ATP6V1H: variants seen among roughly 807,000 people sequenced by gnomAD.
The protein encoded by ATP6V1H is ATPase H+ transporting V1 subunit H, also known as V-type proton ATPase subunit H.
In ATP6V1H, 39 loss-of-function variants were observed where a neutral mutation model predicts 71.7. The ratio of observed to expected loss-of-function variants is 0.54; its 90% CI spans 0.42 to 0.71. The LOEUF (loss-of-function observed/expected upper bound fraction) is 0.71. Ranked by LOEUF, ATP6V1H falls within the 30% of genes least tolerant of loss-of-function variation. The pLI is 0.00. For synonymous variants in ATP6V1H, 192 were observed against 199.3 expected, an observed-to-expected ratio of 0.96 and a Z score of 0.31; for missense variants, 509 against 594.9, an observed-to-expected ratio of 0.86 and a Z score of 1.50.
chr8:53,782,176 T>C (rs1239434100), intron 9 of ATP6V1H, among the ~76,000 whole-genome samples: 1 of 152,172 alleles, frequency 6.6e-6, no homozygotes, highest in East Asian at 1.9e-4. Flanking sequence ...CCCATGAGCA[T>C]GGAATGTTCT....
Position 53,795,672 on chromosome 8 carries a change from G to A in ATP6V1H, c.845C>T (p.Thr282Ile). ...ILQESVKEKVTRIILAAFRNF... is the reference protein window; with the variant it reads ...ILQESVKEKVIRIILAAFRNF... ...ACGAAATGCTGCAAGAATGATTCTT[G>A]TTACTTTCTCTTTGACAGACTCCTG... Residue 282 changes from threonine (T) to isoleucine (I), a missense_variant, in exon 9 of 14, where the codon ACA becomes ATA. Thr to Ile is a moderately conservative substitution (Grantham distance 89). Around this residue, in one of 2 missense-constraint regions of ATP6V1H, gnomAD observed 212 missense variants for 291.6 expected, o/e 0.73. Transcript: ENST00000359530. 2 of 1,612,586 alleles carry A rather than the reference G, an allele frequency of 1.2e-6. No homozygotes were observed. The highest frequency in any genetic ancestry group is 2.2e-5 in the South Asian group (2 of 90,680).
In ATP6V1H at chr8:53,769,630, T is replaced by C; in HGVS notation, c.1163A>G (p.Tyr388Cys). ...ACAAAAAACTTACTTCAAGAGTTCA[T>C]AATTCTTCTCATTTAACCTCACAGC... ...ENAVRLNEKN[Y>C]ELLKILTKLL... The change falls in exon 11 of 14, where the codon TAT becomes TGT. Residue 388 changes from tyrosine to cysteine, a missense_variant. Around this residue, in one of 2 missense-constraint regions of ATP6V1H, gnomAD observed 212 missense variants for 291.6 expected, o/e 0.73. Transcript: ENST00000359530. The C allele has an allele frequency of 6.2e-7, 1 of 1,612,772 alleles. No homozygotes were observed. Among genetic ancestry groups the C allele is most frequent in the Non-Finnish European group, 8.5e-7 (1 of 1,179,294 alleles).
intron 12 of ATP6V1H, among the ~76,000 whole-genome samples, chr8:53,745,488 G>A (rs1326976109): frequency 1.3e-5 from 2 of 152,118 alleles, no homozygotes; most frequent in African/African-American, 4.8e-5. Context: ...GAGCCCCACT[G>A]AGCTTCACAG....
chr8:53,771,711 C>T lies in ATP6V1H; in HGVS notation c.1049+278G>A, dbSNP rs189981911. On this transcript the variant is annotated intron_variant, in intron 10 of 13. Transcript: ENST00000359530. ...CTTAAAAAGACTCTAAGAGAAGACT[C>T]GAGGAGCTCCAGGGTGGAGTCATCC... Among the ~76,000 whole-genome samples the T allele has an allele frequency of 3.2e-3, 491 of 152,256 alleles. 1 individual carries two copies. Among genetic ancestry groups the T allele is most frequent in the African/African-American group, 0.011 (438 of 41,528 alleles).
intron 12 of ATP6V1H, among the ~76,000 whole-genome samples, chr8:53,746,784 A>G (rs1807617239): frequency 6.6e-6 from 1 of 152,212 alleles, no homozygotes; most frequent in Admixed American, 6.5e-5. Flanking sequence ...AAAAAAGGTG[A>G]GAAAAGAATC....
At chr8:53,762,158 T>C (rs545702971) in intron 11 of ATP6V1H, among the ~76,000 whole-genome samples, 2 of 152,200 alleles carry the variant, frequency 1.3e-5, no homozygotes, top group Non-Finnish European at 2.9e-5. Flanking sequence ...TGACAAACTA[T>C]TGTATTGAGC....
chr8:53,779,089 A>G (rs768121255), intron 9 of ATP6V1H, among the ~76,000 whole-genome samples: 1 of 152,222 alleles, frequency 6.6e-6, no homozygotes, highest in Non-Finnish European at 1.5e-5. Context: ...AGACAAATCC[A>G]CAATAATAGC....
intron 13 of ATP6V1H, among the ~76,000 whole-genome samples, chr8:53,729,196 G>GT (rs113477767): frequency 0.059 from 8,889 of 151,006 alleles, 735 homozygotes; most frequent in African/African-American, 0.19. Context: ...AGTTTTTGTT[G>GT]TTTTTTTTTA....
chr8:53,727,848 C>T (rs970050353), intron 13 of ATP6V1H, among the ~76,000 whole-genome samples: 1 of 152,202 alleles, frequency 6.6e-6, no homozygotes, highest in African/African-American at 2.4e-5. Context: ...ATCTACATTC[C>T]TGTGTGAGTC....
intron 9 of ATP6V1H, among the ~76,000 whole-genome samples, chr8:53,776,055 C>T (rs1020714414): frequency 3.9e-5 from 6 of 152,236 alleles, no homozygotes; most frequent in Non-Finnish European, 8.8e-5. Context: ...GGGAAGGCAG[C>T]TAAGGCCCGG....
At chr8:53,816,867 A>C (rs990952586) in intron 5 of ATP6V1H, among the ~76,000 whole-genome samples, 2 of 152,218 alleles carry the variant, frequency 1.3e-5, no homozygotes, top group Non-Finnish European at 2.9e-5. Flanking sequence ...AACGAAACAC[A>C]GTAGCTGCTT....
intron 9 of ATP6V1H, among the ~76,000 whole-genome samples, chr8:53,790,505 G>A (rs1220957302): frequency 3.3e-5 from 5 of 152,100 alleles, no homozygotes; most frequent in African/African-American, 1.2e-4. Flanking sequence ...TTTTTCGAAG[G>A]GTATTATCAT....
At chr8:53,799,990 A>C (rs1378224140) in intron 8 of ATP6V1H, among the ~76,000 whole-genome samples, 1 of 152,198 alleles carries the variant, frequency 6.6e-6, no homozygotes, top group Non-Finnish European at 1.5e-5. Context: ...AAATAGATTA[A>C]GACACCTACT....
chr8:53,742,195 A>G (rs970157950), intron 13 of ATP6V1H, among the ~76,000 whole-genome samples: 2 of 152,136 alleles, frequency 1.3e-5, no homozygotes, highest in East Asian at 1.9e-4. Context: ...ACCATCCTTC[A>G]TATCAGAGTT....
chr8:53,762,570 A>C (rs1052817145), intron 11 of ATP6V1H, among the ~76,000 whole-genome samples: 2 of 152,230 alleles, frequency 1.3e-5, no homozygotes, highest in African/African-American at 4.8e-5. Flanking sequence ...TCAGACACCA[A>C]GACAGAAAAT....
chr8:53,795,649 G>A lies in ATP6V1H; in HGVS notation c.868C>T (p.Arg290Cys), dbSNP rs371234673. Residue 290 changes from arginine to cysteine, a missense_variant and splice_region_variant, in exon 9 of 14, where the codon CGT (arginine) becomes TGT (cysteine). By Grantham distance (180) the Arg-to-Cys change is radical. Transcript: ENST00000359530. The part of the protein sequence containing the change: ...KVTRIILAAF[R>C]NFLEKSTERE... Reference sequence around the variant, plus strand: ...ACAAACCAACATAAAACACTTACACGAAATGCTGCAAGAATGATTCTTGTT... The same window carrying A: ...ACAAACCAACATAAAACACTTACACAAAATGCTGCAAGAATGATTCTTGTT... The A allele has an allele frequency of 1.2e-5, 20 of 1,612,508 alleles. No homozygotes were observed. The highest frequency in any genetic ancestry group is 2.2e-5 in the South Asian group (2 of 90,746).
intron 9 of ATP6V1H, among the ~76,000 whole-genome samples, chr8:53,793,747 T>G (rs933827824): frequency 3.3e-5 from 5 of 152,032 alleles, no homozygotes; most frequent in Admixed American, 3.3e-4. Flanking sequence ...GAGACCAGCC[T>G]GGGAAACATG....
chr8:53,788,719 A>G (rs1809463278), intron 9 of ATP6V1H, among the ~76,000 whole-genome samples: 1 of 152,214 alleles, frequency 6.6e-6, no homozygotes, highest in Middle Eastern at 3.2e-3. Context: ...AAGTGCTGGA[A>G]TTCACACCTA....
intron 12 of ATP6V1H, among the ~76,000 whole-genome samples, chr8:53,754,621 T>C (rs1260954067): frequency 6.6e-6 from 1 of 152,222 alleles, no homozygotes; most frequent in Non-Finnish European, 1.5e-5. Context: ...TACTTGAAGG[T>C]TCCTTATGAC....
Sources: allele counts gnomAD v4.1 joint callset (sites outside exome capture counted in the v4.1 genomes callset), GRCh38; gene constraint gnomAD v4.1.1; regional missense constraint gnomAD v4.1.1; transcripts MANE v1.5; gene names NCBI Gene and HGNC (gene_info 2026-07-23, HGNC 2026-07-21).